BRDT: variants seen among roughly 807,000 people sequenced by gnomAD.
The protein encoded by BRDT is bromodomain testis associated, also known as bromodomain testis-specific protein.
A neutral mutation model predicts 113.9 loss-of-function variants in BRDT; 77 were observed. The ratio of observed to expected loss-of-function variants is 0.68; its 90% CI spans 0.56 to 0.82. The LOEUF is 0.82. Ranked by LOEUF, BRDT falls within the 40% of genes least tolerant of loss-of-function variation. The probability of loss-of-function intolerance (pLI) is 0.00; values close to 1 mark genes in which losing one functional copy is unlikely to be tolerated. For missense variants in BRDT, 1,027 were observed against 1,105.4 expected (o/e 0.93, Z 1.01); for synonymous variants, 358 against 366.5 (o/e 0.98, Z 0.26).
intron 4 of BRDT, among the ~76,000 whole-genome samples, chr1:91,969,953 T>C (rs905820525): frequency 2.0e-5 from 3 of 151,364 alleles, no homozygotes; most frequent in African/African-American, 7.3e-5. Context: ...CTCAGCCTCC[T>C]GAGTAGCTGG....
Position 91,976,327 on chromosome 1 carries a change from AAAAGT to A in BRDT, c.509_513del (p.Lys170IlefsTer2). On this transcript the variant is annotated frameshift_variant, in exon 5 of 19. Coordinates refer to ENST00000399546, the MANE Select transcript of BRDT (RefSeq NM_207189.4). LOFTEE classifies it high-confidence loss of function. ...AAAAATCATCACCCAGCGCAACAGA[AAAAGT>A]ATTTAAGCAGCAAGAAATTCCTTCT... 6.2e-7 allele frequency: 1 copy of A among 1,612,894 alleles called. No individual in the cohort carries two copies. The highest frequency in any genetic ancestry group is 8.5e-7 in the Non-Finnish European group (1 of 1,179,606).
chr1:91,961,015 A>C (rs1682386382), intron 1 of BRDT, among the ~76,000 whole-genome samples: 1 of 152,228 alleles, frequency 6.6e-6, no homozygotes, highest in South Asian at 2.1e-4. Flanking sequence ...TCGGTTTTAA[A>C]ATAAATCACT....
intron 16 of BRDT, among the ~76,000 whole-genome samples, chr1:92,002,546 T>C (rs562160646): frequency 6.6e-6 from 1 of 152,202 alleles, no homozygotes; most frequent in African/African-American, 2.4e-5. Context: ...TGTATTTTTA[T>C]TGGAGGAGAC....
chr1:91,959,867 A>G (rs775887080), intron 1 of BRDT, among the ~76,000 whole-genome samples: 3 of 152,162 alleles, frequency 2.0e-5, no homozygotes, highest in Non-Finnish European at 4.4e-5. Flanking sequence ...CCTTCAATTC[A>G]TTTTAATGTA....
chr1:92,001,027 C>A (rs1196608107), intron 15 of BRDT, among the ~76,000 whole-genome samples: 1 of 152,176 alleles, frequency 6.6e-6, no homozygotes, highest in South Asian at 2.1e-4. Flanking sequence ...TCCCTGTTCC[C>A]TTGGTAGCTA....
chr1:91,968,461 T>C lies in BRDT; in HGVS notation c.445+201T>C, dbSNP rs1217889101. 2.0e-5 allele frequency among the ~76,000 whole-genome samples: 3 copies of C among 152,204 alleles called. No homozygotes were observed. In the East Asian group the frequency reaches 5.8e-4, roughly 29 times the overall value. ...CATTCAAGAATAGTGAGGACTGCAT[T>C]GATTATGGCCTCAGAGCCAGCTTTC... On this transcript the variant is annotated intron_variant, in intron 4 of 18. Coordinates refer to ENST00000399546, the MANE Select transcript of BRDT (RefSeq NM_207189.4).
At chr1:91,989,999 G>A (rs910375650) in intron 12 of BRDT, among the ~76,000 whole-genome samples, 4 of 152,196 alleles carry the variant, frequency 2.6e-5, no homozygotes, top group East Asian at 1.9e-4. Context: ...TTGACCATCC[G>A]TGGTGTCCTG....
At chr1:91,990,822 G>C (rs942420426) in intron 12 of BRDT, among the ~76,000 whole-genome samples, 2 of 152,078 alleles carry the variant, frequency 1.3e-5, no homozygotes, top group Non-Finnish European at 2.9e-5. Context: ...TTTTGAGACA[G>C]AGTCTCACTC....
At position 91,980,696 on chromosome 1, in the gene BRDT, G is replaced by A; in HGVS notation, c.1341G>A (p.Lys447=). The change falls in exon 9 of 19, where the codon AAG becomes AAA. Residue 447 remains lysine (K), a synonymous_variant. Transcript: ENST00000399546. The part of the protein sequence containing the change: ...LQVLSQVPFR[K]LNKKKEKSKK... ...TTTTGTCCCAAGTACCTTTCCGTAA[G>A]CTAAATAAAAAGAAAGAGAAGTCTA... 6.2e-7 allele frequency: 1 copy of A among 1,603,944 alleles called. No homozygotes were observed. The highest frequency in any genetic ancestry group is 8.5e-7 in the Non-Finnish European group (1 of 1,177,932).
At chr1:91,958,160 G>A (rs1682004658) in intron 1 of BRDT, among the ~76,000 whole-genome samples, 1 of 150,762 alleles carries the variant, frequency 6.6e-6, no homozygotes, top group Non-Finnish European at 1.5e-5. Context: ...GCCTTTTTTT[G>A]AGAACGACAT....
At chr1:91,958,553 T>C (rs1486502149) in intron 1 of BRDT, among the ~76,000 whole-genome samples, 1 of 152,180 alleles carries the variant, frequency 6.6e-6, no homozygotes, top group Admixed American at 6.5e-5. Context: ...TAATATTTCA[T>C]TGCATGAATG....
chr1:91,977,037 T>C lies in BRDT; in HGVS notation c.619-6T>C. ...ATATTTTTGTTGTTGAATTGTTCTGTTGTAGGTTACAAAAGGTGTGAAGAG... is the reference window on the plus strand; with the variant it reads ...ATATTTTTGTTGTTGAATTGTTCTGCTGTAGGTTACAAAAGGTGTGAAGAG... On this transcript the variant is annotated splice_polypyrimidine_tract_variant and splice_region_variant and intron_variant, in intron 5 of 18. Transcript: ENST00000399546. 6.3e-7 allele frequency: 1 copy of C among 1,582,780 alleles called. No individual in the cohort carries two copies. Among genetic ancestry groups the C allele is most frequent in the Non-Finnish European group, 8.6e-7 (1 of 1,164,454 alleles).
chr1:91,996,424 C>G (rs977227955), intron 15 of BRDT, among the ~76,000 whole-genome samples: 1 of 151,918 alleles, frequency 6.6e-6, no homozygotes, highest in Non-Finnish European at 1.5e-5. Flanking sequence ...AATTTTTGTA[C>G]TTTTTGTAGA....
intron 15 of BRDT, among the ~76,000 whole-genome samples, chr1:91,997,940 A>G (rs1686489570): frequency 6.6e-6 from 1 of 152,226 alleles, no homozygotes; most frequent in Non-Finnish European, 1.5e-5. Flanking sequence ...GATAAAAGCA[A>G]TATGTTGAAG....
intron 18 of BRDT, 44 bp downstream of exon 18, chr1:92,005,343 G>A: frequency 6.9e-7 from 1 of 1,444,588 alleles, no homozygotes; most frequent in Non-Finnish European, 9.1e-7. Flanking sequence ...ACAAGGGAAA[G>A]ATTTAACAGA....
chr1:92,006,709 C>A (rs182849020), intron 18 of BRDT, among the ~76,000 whole-genome samples: 2 of 152,124 alleles, frequency 1.3e-5, no homozygotes, highest in Non-Finnish European at 2.9e-5. Context: ...CTTAGGCAAT[C>A]GCCTGCCTCG....
At chr1:91,994,884 A>C (rs1258347682) in intron 15 of BRDT, among the ~76,000 whole-genome samples, 2 of 151,002 alleles carry the variant, frequency 1.3e-5, no homozygotes, top group Non-Finnish European at 3.0e-5. Context: ...AAAAAAAAAA[A>C]AAAAAAAAGA....
At position 91,979,642 on chromosome 1, in the gene BRDT, C is replaced by G. The variant is rs1030634681; in HGVS notation, c.1172C>G (p.Thr391Arg). The G allele has an allele frequency of 6.2e-7, 1 of 1,613,910 alleles. No individual in the cohort carries two copies. Among genetic ancestry groups the G allele is most frequent in the African/African-American group, 1.3e-5 (1 of 74,924 alleles). ...AGTATGCCTTTATGTTACATCAAAA[C>G]AGATATCACAGAAACCACTGGTAGA... ...VESMPLCYIK[T>R]DITETTGREN... The change falls in exon 8 of 19, where the codon ACA becomes AGA. Residue 391 changes from threonine to arginine, a missense_variant. By Grantham distance (71) the Thr-to-Arg change is moderately conservative. Transcript: ENST00000399546.
chr1:91,964,858 T>C, intron 3 of BRDT, 94 bp downstream of exon 3: 1 of 1,003,840 alleles, frequency 1.0e-6, no homozygotes, highest in Non-Finnish European at 1.4e-6. Context: ...ATTTCAATTC[T>C]CTTCGTTTGA....
Sources: gnomAD v4.1 joint callset for allele counts (sites outside exome capture counted in the v4.1 genomes callset) on GRCh38, gnomAD v4.1.1 for gene constraint, MANE v1.5 for transcripts, NCBI Gene and HGNC (gene_info 2026-07-23, HGNC 2026-07-21) for gene names.